Variants in JPH3 observed in about 807,000 individuals in gnomAD.
JPH3 encodes junctophilin-3.
Under a neutral mutation model 59.6 loss-of-function variants are expected in JPH3, and 11 were observed. The ratio of observed to expected loss-of-function variants is 0.18; its 90% CI spans 0.12 to 0.31. The LOEUF is 0.31. Among genes scored for constraint, JPH3 ranks in the 10% least tolerant of loss-of-function variants. JPH3 has a pLI of 1.00. For synonymous variants in JPH3, 673 were observed against 483.6 expected (o/e 1.39, Z -5.14); for missense variants, 1,202 against 1,105.7 (o/e 1.09, Z -1.24).
chr16:87,684,972 A>G (rs1263675839), intron 3 of JPH3, among the ~76,000 whole-genome samples: 1 of 152,156 alleles, frequency 6.6e-6, no homozygotes, highest in Non-Finnish European at 1.5e-5. Flanking sequence ...GAGGCCCCAG[A>G]GAATGGGGTT....
intron 1 of JPH3, among the ~76,000 whole-genome samples, chr16:87,623,571 C>T (rs1363050462): frequency 6.6e-6 from 1 of 152,232 alleles, no homozygotes; most frequent in Non-Finnish European, 1.5e-5. Context: ...GATGCAATTT[C>T]ATTCCCCAAC....
chr16:87,645,910 A>C (rs2032132167), intron 2 of JPH3, among the ~76,000 whole-genome samples: 1 of 152,236 alleles, frequency 6.6e-6, no homozygotes, highest in Non-Finnish European at 1.5e-5. Context: ...AACTGAGGTT[A>C]CTAAAGGGCT....
intron 1 of JPH3, among the ~76,000 whole-genome samples, chr16:87,641,397 C>T (rs1031910198): frequency 1.3e-5 from 2 of 152,150 alleles, no homozygotes; most frequent in Non-Finnish European, 2.9e-5. Context: ...GTGGACTTGC[C>T]TCCAGGTTAG....
intron 2 of JPH3, among the ~76,000 whole-genome samples, chr16:87,659,063 C>T (rs1049055852): frequency 6.6e-6 from 1 of 152,188 alleles, no homozygotes; most frequent in Non-Finnish European, 1.5e-5. Flanking sequence ...CTGCCCCATG[C>T]CTGGCTTTGT....
intron 2 of JPH3, among the ~76,000 whole-genome samples, chr16:87,648,431 G>A (rs1220648507): frequency 1.3e-5 from 2 of 152,006 alleles, no homozygotes; most frequent in Admixed American, 1.3e-4. Context: ...CGAGAGATGC[G>A]AGGGAGTTGT....
chr16:87,637,914 TA>T (rs56267050), intron 1 of JPH3, among the ~76,000 whole-genome samples: 74 of 151,310 alleles, frequency 4.9e-4, no homozygotes, highest in African/African-American at 1.6e-3. Flanking sequence ...TGTTTTTCTT[TA>T]AAAAAAAAAT....
At chr16:87,639,045 T>A (rs965367526) in intron 1 of JPH3, among the ~76,000 whole-genome samples, 4 of 152,188 alleles carry the variant, frequency 2.6e-5, no homozygotes, top group African/African-American at 9.7e-5. Flanking sequence ...TTCCGCTTCC[T>A]GGCTGTGTGT....
chr16:87,632,965 T>C (rs1242672415), intron 1 of JPH3, among the ~76,000 whole-genome samples: 5 of 151,882 alleles, frequency 3.3e-5, no homozygotes, highest in African/African-American at 1.2e-4. Context: ...ACTCTGGGGC[T>C]CAAGCAGTCC....
intron 1 of JPH3, among the ~76,000 whole-genome samples, chr16:87,628,071 C>T (rs1453491846): frequency 6.6e-6 from 1 of 152,208 alleles, no homozygotes; most frequent in Non-Finnish European, 1.5e-5. Flanking sequence ...TCCTGCCTCC[C>T]CTGTTCACGC....
intron 4 of JPH3, chr16:87,696,024 C>G: frequency 2.2e-6 from 1 of 456,022 alleles, no homozygotes; most frequent in African/African-American, 2.0e-5. Flanking sequence ...TCCTCCAGAG[C>G]CAGTTGGCGT....
At chr16:87,602,382 G>A (rs966323154), upstream of JPH3, among the ~76,000 whole-genome samples, 3 of 123,726 alleles carry the variant, frequency 2.4e-5, no homozygotes, top group Admixed American at 1.6e-4. Flanking sequence ...CTAGCCTGCT[G>A]GGCCGCGCCC....
intron 3 of JPH3, among the ~76,000 whole-genome samples, chr16:87,686,540 AG>A (rs2033423139): frequency 6.9e-6 from 1 of 145,368 alleles, no homozygotes; most frequent in Non-Finnish European, 1.5e-5. Flanking sequence ...TCAGTCCTGG[AG>A]TCAGAGATGC....
intron 2 of JPH3, among the ~76,000 whole-genome samples, chr16:87,675,979 G>C (rs1010089234): frequency 1.2e-4 from 19 of 152,264 alleles, no homozygotes; most frequent in African/African-American, 4.6e-4. Context: ...CAGATCAGCT[G>C]TTGGCAGGAG....
Position 87,689,809 on chromosome 16 carries a change from C to T in JPH3, c.1449C>T (p.Ser483=). The part of the protein sequence containing the change: ...DDSPLQSFPT[S]PAATPPPAPA... Reference sequence around the variant, plus strand: ...GCCCCCTGCAGAGCTTCCCCACCAGCCCCGCGGCCACCCCGCCGCCCGCGC... The same window carrying T: ...GCCCCCTGCAGAGCTTCCCCACCAGTCCCGCGGCCACCCCGCCGCCCGCGC... The change falls in exon 4 of 5, where the codon AGC becomes AGT. Residue 483 remains serine, a synonymous_variant. Transcript: ENST00000284262. 1.3e-6 allele frequency: 2 copies of T among 1,586,280 alleles called. No homozygotes were observed. Among genetic ancestry groups the T allele is most frequent in the South Asian group, 1.1e-5 (1 of 88,770 alleles).
chr16:87,678,677 T>A (rs78212470), intron 2 of JPH3, among the ~76,000 whole-genome samples: 4 of 152,260 alleles, frequency 2.6e-5, no homozygotes, highest in Admixed American at 1.3e-4. Flanking sequence ...GGAATAAGGG[T>A]CTCTGCAAAT....
chr16:87,651,337 G>A (rs920592113), intron 2 of JPH3, among the ~76,000 whole-genome samples: 1 of 152,226 alleles, frequency 6.6e-6, no homozygotes, highest in South Asian at 2.1e-4. Context: ...GCATGCAGCT[G>A]TGGATCAAGG....
chr16:87,626,267 G>A (rs532004269), intron 1 of JPH3, among the ~76,000 whole-genome samples: 1 of 152,138 alleles, frequency 6.6e-6, no homozygotes, highest in East Asian at 1.9e-4. Context: ...CGTGCAGACT[G>A]AGGTTGCTTA....
intron 1 of JPH3, among the ~76,000 whole-genome samples, chr16:87,608,271 CT>C (rs1443578218): frequency 6.6e-6 from 1 of 152,230 alleles, no homozygotes; most frequent in African/African-American, 2.4e-5. Context: ...CTTTTTCTTC[CT>C]GTTTTCCCCA....
rs111638607 is a variant in JPH3, at chr16:87,655,422, T to G, written c.1160+10387T>G. Among the ~76,000 whole-genome samples, 10 of 152,290 alleles carry G rather than the reference T, an allele frequency of 6.6e-5. 1 individual carries two copies. The highest frequency in any genetic ancestry group is 2.4e-4 in the African/African-American group (10 of 41,548). ...GGGCTGGAGTGCAGTGGTACGATCATAGCCCACTGCAGCCTCGATCTCCTG... is the reference window on the plus strand; with the variant it reads ...GGGCTGGAGTGCAGTGGTACGATCAGAGCCCACTGCAGCCTCGATCTCCTG... On this transcript the variant is annotated intron_variant, in intron 2 of 4. Coordinates refer to ENST00000284262, the MANE Select transcript of JPH3 (RefSeq NM_020655.4).
Sources: gnomAD v4.1 joint callset for allele counts (sites outside exome capture counted in the v4.1 genomes callset) on GRCh38, gnomAD v4.1.1 for gene constraint, MANE v1.5 for transcripts, NCBI Gene and HGNC (gene_info 2026-07-23, HGNC 2026-07-21) for gene names.